The following AGBL4 variants were observed in gnomAD, a reference collection of about 807,000 sequenced individuals.
AGBL4 encodes the protein cytosolic carboxypeptidase 6.
A neutral mutation model predicts 66.4 loss-of-function variants in AGBL4; 58 were observed. The ratio of observed to expected loss-of-function variants is 0.87; its 90% CI spans 0.71 to 1.09. AGBL4 has a LOEUF of 1.09. Among genes scored for constraint, AGBL4 ranks in the 50% least tolerant of loss-of-function variants. AGBL4 has a pLI of 0.00. For synonymous variants in AGBL4, 234 were observed against 222.9 expected, an observed-to-expected ratio of 1.05 and a Z score of -0.44; for missense variants, 579 against 631.0, an observed-to-expected ratio of 0.92 and a Z score of 0.88.
At chr1:48,776,502 G>T in intron 6 of AGBL4, 2 of 846,998 alleles carry the variant, frequency 2.4e-6, no homozygotes, top group Non-Finnish European at 3.3e-6. Context: ...GCAGGAAGGA[G>T]CAAGCAGTGG....
At chr1:48,630,324 G>A (rs1453875845) in intron 9 of AGBL4, among the ~76,000 whole-genome samples, 1 of 152,146 alleles carries the variant, frequency 6.6e-6, no homozygotes, top group Non-Finnish European at 1.5e-5. Context: ...ACACATAGAA[G>A]GGCTCATTCC....
At chr1:48,787,895 C>T (rs1286587684) in intron 6 of AGBL4, among the ~76,000 whole-genome samples, 2 of 152,194 alleles carry the variant, frequency 1.3e-5, no homozygotes, top group Non-Finnish European at 2.9e-5. Context: ...ACCCTACCTC[C>T]CACCCTGCTA....
chr1:48,793,940 T>C (rs10788894), intron 6 of AGBL4, among the ~76,000 whole-genome samples: 136,300 of 152,092 alleles, frequency 0.9, 62,856 homozygotes, highest in Non-Finnish European at 1. Context: ...TTCTGTTTGT[T>C]GCTGCTTTGG....
At chr1:49,831,841 G>T (rs937230665) in intron 2 of AGBL4, among the ~76,000 whole-genome samples, 2 of 152,072 alleles carry the variant, frequency 1.3e-5, no homozygotes, top group African/African-American at 2.4e-5. Context: ...TTTTATCAAA[G>T]ACCTTTTCTG....
At chr1:48,560,765 G>A (rs1022930068) in intron 11 of AGBL4, among the ~76,000 whole-genome samples, 1 of 152,182 alleles carries the variant, frequency 6.6e-6, no homozygotes, top group Admixed American at 6.5e-5. Flanking sequence ...CACCTACTGT[G>A]TTTCTGGCAC....
intron 3 of AGBL4, among the ~76,000 whole-genome samples, chr1:49,525,903 C>T (rs752373270): frequency 2.6e-5 from 4 of 151,506 alleles, no homozygotes; most frequent in Non-Finnish European, 5.9e-5. Context: ...CTGGCTAACA[C>T]GGTGAAACCC....
At chr1:48,908,063 T>A (rs1193550227) in intron 5 of AGBL4, among the ~76,000 whole-genome samples, 1 of 152,148 alleles carries the variant, frequency 6.6e-6, no homozygotes, top group African/African-American at 2.4e-5. Flanking sequence ...TCTTTCTGCT[T>A]CCTCCAAAGT....
In AGBL4 at chr1:48,534,166, C is replaced by T. The variant is rs575005147; in HGVS notation, c.*7G>A. On this transcript the variant is annotated 3_prime_UTR_variant, in exon 14 of 14. Coordinates refer to ENST00000371839, the MANE Select transcript of AGBL4 (RefSeq NM_032785.4). ...GTCCCCATAAGACCTCCCAGGACTC[C>T]GTGTCTTTAAAAAGGGGTTGAAGGG... 35 of 1,551,436 alleles carry T rather than the reference C, an allele frequency of 2.3e-5. No homozygotes were observed. Among genetic ancestry groups the T allele is most frequent in the African/African-American group, 8.2e-5 (6 of 73,136 alleles).
chr1:49,587,321 A>G (rs1644669494), intron 3 of AGBL4, among the ~76,000 whole-genome samples: 1 of 151,996 alleles, frequency 6.6e-6, no homozygotes, highest in African/African-American at 2.4e-5. Flanking sequence ...AAGAGAAGAG[A>G]AAAGAAAAAA....
intron 6 of AGBL4, among the ~76,000 whole-genome samples, chr1:48,739,730 G>A (rs1224016097): frequency 1.3e-5 from 2 of 152,208 alleles, no homozygotes; most frequent in Non-Finnish European, 2.9e-5. Context: ...GGAGGACACA[G>A]CAACTGTTAC....
intron 3 of AGBL4, chr1:49,422,996 T>C (rs955315466): frequency 2.6e-5 from 4 of 152,208 alleles, no homozygotes; most frequent in African/African-American, 9.7e-5. Flanking sequence ...CTCTAGCAAA[T>C]GTAGTGTGCA....
At chr1:49,932,532 A>G (rs1014070360) in intron 1 of AGBL4, among the ~76,000 whole-genome samples, 1 of 152,162 alleles carries the variant, frequency 6.6e-6, no homozygotes, top group South Asian at 2.1e-4. Flanking sequence ...AGGAACATCT[A>G]CCCTTTGAAA....
At chr1:49,215,439 G>A (rs1358282832) in intron 4 of AGBL4, among the ~76,000 whole-genome samples, 2 of 151,998 alleles carry the variant, frequency 1.3e-5, no homozygotes, top group Admixed American at 1.3e-4. Context: ...TTTTTTTGCT[G>A]ATTGATTAGC....
chr1:48,561,953 T>C (rs563024137), intron 11 of AGBL4, among the ~76,000 whole-genome samples: 1 of 152,298 alleles, frequency 6.6e-6, no homozygotes, highest in African/African-American at 2.4e-5. Context: ...TATAATCTCT[T>C]TACATATATA....
chr1:49,728,493 C>A (rs1339799705), intron 2 of AGBL4, among the ~76,000 whole-genome samples: 1 of 152,068 alleles, frequency 6.6e-6, no homozygotes, highest in African/African-American at 2.4e-5. Context: ...GCTATTGTTC[C>A]CAGAGGAAGT....
chr1:49,469,149 G>T (rs1646689173), intron 3 of AGBL4, among the ~76,000 whole-genome samples: 1 of 151,702 alleles, frequency 6.6e-6, no homozygotes, highest in South Asian at 2.1e-4. Flanking sequence ...TGTGACTGTT[G>T]TTAGTATACT....
chr1:49,946,772 T>C (rs1042351165), intron 1 of AGBL4, among the ~76,000 whole-genome samples: 1 of 151,730 alleles, frequency 6.6e-6, no homozygotes, highest in African/African-American at 2.4e-5. Context: ...AAAAAGCTGG[T>C]TCTTTGAAAA....
At chr1:49,767,899 C>T (rs987853553) in intron 2 of AGBL4, among the ~76,000 whole-genome samples, 1 of 150,440 alleles carries the variant, frequency 6.6e-6, no homozygotes, top group Non-Finnish European at 1.5e-5. Context: ...GACTGAATCA[C>T]GAAGAAATTG....
chr1:48,959,822 G>A (rs1340357191), intron 5 of AGBL4, among the ~76,000 whole-genome samples: 1 of 152,230 alleles, frequency 6.6e-6, no homozygotes. Context: ...AATCAAGTGA[G>A]AGGGAGGTGA....
Sources: gnomAD v4.1 joint callset for allele counts (sites outside exome capture counted in the v4.1 genomes callset) on GRCh38, gnomAD v4.1.1 for gene constraint, MANE v1.5 for transcripts, NCBI Gene and HGNC (gene_info 2026-07-23, HGNC 2026-07-21) for gene names.